FMNL1: variants seen among roughly 807,000 people sequenced by gnomAD.
FMNL1 encodes formin like 1.
Under a neutral mutation model 121.3 loss-of-function variants are expected in FMNL1, and 43 were observed. The observed-to-expected ratio is 0.35, with a 90% CI of 0.28 to 0.46. The LOEUF (loss-of-function observed/expected upper bound fraction) is 0.46. Among genes scored for constraint, FMNL1 ranks in the 20% least tolerant of loss-of-function variants. The pLI, the probability that FMNL1 is intolerant of heterozygous loss-of-function variation, is 1.00. For synonymous variants in FMNL1, 613 were observed against 613.5 expected (o/e 1.00, Z 0.01); for missense variants, 1,191 against 1,482.4 (o/e 0.80, Z 3.23).
rs1403772878 is a variant in FMNL1, at chr17:45,222,211, GC to G, written c.90del (p.Ala31ArgfsTer13). 1 of 1,253,654 alleles carries G rather than the reference GC, an allele frequency of 8.0e-7. No individual in the cohort carries two copies. The allele number at this position is 1,253,654 out of a possible 1,614,324, so 77.7% of individuals were successfully genotyped here. ...AGCCCGCGCCTCCCAAGCAGCCGATGCCCGCGGCCGGAGAGCTGGAGGAGAG... is the reference window on the plus strand; with the variant it reads ...AGCCCGCGCCTCCCAAGCAGCCGATGCCGCGGCCGGAGAGCTGGAGGAGAG... ...KQPAPPKQPM[P>X]AAGELEERFN... On this transcript the variant is annotated frameshift_variant, in exon 1 of 27. Coordinates refer to ENST00000331495, the MANE Select transcript of FMNL1 (RefSeq NM_005892.4). LOFTEE classifies it high-confidence loss of function.
Position 45,237,950 on chromosome 17 carries a change from G to T in FMNL1, c.894+311G>T. 1 of 313,404 alleles carries T rather than the reference G, an allele frequency of 3.2e-6. No individual in the cohort carries two copies. Among genetic ancestry groups the T allele is most frequent in the Admixed American group, 4.6e-5 (1 of 21,862 alleles). The allele number at this position is 313,404 out of a possible 1,614,324, so 19.4% of individuals were successfully genotyped here. ...TTGGTTCATACCTCCAGGAGTTGCG[G>T]ACTCTGGCTAACAGGCTTGCAAGAA... On this transcript the variant is annotated intron_variant, in intron 9 of 26. Transcript: ENST00000331495. The surrounding 1 kb of genome is among the most constrained non-coding windows in gnomAD (Gnocchi z 4.4).
At position 45,241,669 on chromosome 17, in the gene FMNL1, G is replaced by A. The variant is rs1567969058; in HGVS notation, c.1585+35G>A. On this transcript the variant is annotated intron_variant, in intron 14 of 26. Coordinates refer to ENST00000331495, the MANE Select transcript of FMNL1 (RefSeq NM_005892.4). The surrounding 1 kb of genome is among the most constrained non-coding windows in gnomAD (Gnocchi z 7.0). Reference sequence around the variant, plus strand: ...AGCTTCAGGCTGGCGGGGATGCGGGGCAGGGTCTGGAGGGGAGCCCAGGGG... The same window carrying A: ...AGCTTCAGGCTGGCGGGGATGCGGGACAGGGTCTGGAGGGGAGCCCAGGGG... 1.4e-6 allele frequency: 2 copies of A among 1,469,968 alleles called. No homozygotes were observed. The highest frequency in any genetic ancestry group is 2.5e-4 in the Middle Eastern group (1 of 3,990). 91.1% of individuals were successfully genotyped at this position (1,469,968 alleles called of 1,614,324 possible). A position where few individuals can be genotyped will look rare whatever the true frequency, so the allele number is the denominator to read the frequency against.
rs760126685 is a variant in FMNL1, at chr17:45,246,544, G to C, written c.3251G>C (p.Arg1084Pro). The part of the protein sequence containing the change: ...TVPFTARTGK[R>P]TSRLLCEASL... ...CCCTTCACGGCCCGCACCGGCAAGC[G>C]GACATCCCGGCTCCTCTGTGAGGCC... is the stretch of plus-strand genomic sequence containing the variant. The change falls in exon 26 of 27, where the codon CGG becomes CCG. Residue 1084 changes from arginine to proline, a missense_variant. Physicochemically the swap from Arg to Pro is moderately radical, Grantham distance 103. This residue lies in a region of FMNL1 where 367 missense variants were observed against 528.6 expected (regional missense o/e 0.69). Coordinates refer to ENST00000331495, the MANE Select transcript of FMNL1 (RefSeq NM_005892.4). The C allele has an allele frequency of 6.2e-7, 1 of 1,613,764 alleles. No homozygotes were observed. Among genetic ancestry groups the C allele is most frequent in the Non-Finnish European group, 8.5e-7 (1 of 1,179,706 alleles).
intron 7 of FMNL1, 173 bp downstream of exon 7, chr17:45,236,417 A>G (rs998047335): frequency 5.5e-6 from 3 of 548,500 alleles, no homozygotes; most frequent in East Asian, 3.2e-5. Context: ...TCTTGAGGGG[A>G]AGCCCATGTT....
At chr17:45,224,851 C>T (rs778088837) in intron 1 of FMNL1, among the ~76,000 whole-genome samples, 4 of 152,230 alleles carry the variant, frequency 2.6e-5, no homozygotes, top group African/African-American at 7.2e-5. Context: ...CCCAGCCCCA[C>T]GGGCCTGCTG....
At chr17:45,240,401 C>CA (rs2043658466) in intron 11 of FMNL1, 75 bp from the exon 12 acceptor site, 1 of 1,464,740 alleles carries the variant, frequency 6.8e-7, no homozygotes. Context: ...GCAGTGGTGG[C>CA]AGGGGGGTGG....
At position 45,237,186 on chromosome 17, in the gene FMNL1, C is replaced by T. The variant is rs1461172406; in HGVS notation, c.724-95C>T. On this transcript the variant is annotated intron_variant, in intron 7 of 26. Transcript: ENST00000331495. This position sits in a 1 kb window ranked among gnomAD's most constrained non-coding sequence, Gnocchi z 4.4. ...AGTTGCGGTTGGATACAAAGAACTTCCTAAACTCGAGGGCAGTTAAAGATC... is the reference window on the plus strand; with the variant it reads ...AGTTGCGGTTGGATACAAAGAACTTTCTAAACTCGAGGGCAGTTAAAGATC... The T allele has an allele frequency of 2.6e-6, 3 of 1,158,738 alleles. No individual in the cohort carries two copies. Among genetic ancestry groups the T allele is most frequent in the East Asian group, 2.4e-5 (1 of 41,450 alleles). 71.8% of individuals were successfully genotyped at this position (1,158,738 alleles called of 1,614,324 possible).
Position 45,232,485 on chromosome 17 carries a change from A to C in FMNL1, c.327+5A>C, listed in dbSNP as rs1437812892. 1.9e-6 allele frequency: 3 copies of C among 1,613,258 alleles called. No individual in the cohort carries two copies. The highest frequency in any genetic ancestry group is 1.7e-5 in the Admixed American group (1 of 59,992). Reference sequence around the variant, plus strand: ...GATTGGATGTCCAACCTGGGGGTACATGTCTCCCCTCTTTACTCTGTCCCT... The same window carrying C: ...GATTGGATGTCCAACCTGGGGGTACCTGTCTCCCCTCTTTACTCTGTCCCT... On this transcript the variant is annotated splice_donor_5th_base_variant and intron_variant, in intron 3 of 26. Coordinates refer to ENST00000331495, the MANE Select transcript of FMNL1 (RefSeq NM_005892.4).
chr17:45,241,682 G>A lies in FMNL1; in HGVS notation c.1585+48G>A, dbSNP rs1333002029. On this transcript the variant is annotated intron_variant, in intron 14 of 26. Transcript: ENST00000331495. This position sits in a 1 kb window ranked among gnomAD's most constrained non-coding sequence, Gnocchi z 7.0. ...CGGGGATGCGGGGCAGGGTCTGGAG[G>A]GGAGCCCAGGGGCATCTGTGGCGGG... 2 of 1,453,474 alleles carry A rather than the reference G, an allele frequency of 1.4e-6. No homozygotes were observed. Among genetic ancestry groups the A allele is most frequent in the Non-Finnish European group, 1.8e-6 (2 of 1,108,060 alleles). The allele number at this position is 1,453,474 out of a possible 1,614,324, so 90.0% of individuals were successfully genotyped here.
chr17:45,239,276 A>G (rs1017759526), intron 11 of FMNL1: 4 of 573,944 alleles, frequency 7.0e-6, no homozygotes, highest in Non-Finnish European at 9.4e-6. Flanking sequence ...GATAATCTTG[A>G]CTCTAAATGC....
In FMNL1 at chr17:45,237,739, T is replaced by C; in HGVS notation, c.894+100T>C. The C allele has an allele frequency of 3.0e-6, 4 of 1,329,248 alleles. No individual in the cohort carries two copies. In the South Asian group the frequency reaches 3.7e-5, roughly 12 times the overall value. The allele number at this position is 1,329,248 out of a possible 1,614,324, so 82.3% of individuals were successfully genotyped here. On this transcript the variant is annotated intron_variant, in intron 9 of 26. Coordinates refer to ENST00000331495, the MANE Select transcript of FMNL1 (RefSeq NM_005892.4). The surrounding 1 kb of genome is among the most constrained non-coding windows in gnomAD (Gnocchi z 4.4). Reference sequence around the variant, plus strand: ...CCTTTGCTGGAGGCAGCTGGGGACATTGGGTGGGCATTTGGGGAACGCCCA... The same window carrying C: ...CCTTTGCTGGAGGCAGCTGGGGACACTGGGTGGGCATTTGGGGAACGCCCA...
intron 1 of FMNL1, among the ~76,000 whole-genome samples, chr17:45,224,337 G>C (rs1310676521): frequency 6.6e-6 from 1 of 152,140 alleles, no homozygotes; most frequent in Admixed American, 6.5e-5. Context: ...TCAACCCTCA[G>C]GTCTGGCAGT....
chr17:45,241,771 G>C lies in FMNL1; in HGVS notation c.1586-76G>C. On this transcript the variant is annotated intron_variant, in intron 14 of 26. Transcript: ENST00000331495. The surrounding 1 kb of genome is among the most constrained non-coding windows in gnomAD (Gnocchi z 7.0). ...TCAGGTAGGAGCGCATGCGTAGAGC[G>C]GAGAGGCGGAGAGGGGCCCACCCAA... is the stretch of plus-strand genomic sequence containing the variant. The C allele has an allele frequency of 1.4e-6, 2 of 1,403,816 alleles. No individual in the cohort carries two copies. Among genetic ancestry groups the C allele is most frequent in the East Asian group, 5.4e-5 (2 of 36,886 alleles). The allele number at this position is 1,403,816 out of a possible 1,614,324, so 87.0% of individuals were successfully genotyped here.
intron 1 of FMNL1, among the ~76,000 whole-genome samples, chr17:45,225,688 G>A (rs1175287886): frequency 1.3e-5 from 2 of 152,258 alleles, no homozygotes; most frequent in South Asian, 2.1e-4. Context: ...TGGCTTGGGG[G>A]GCCTTTGAGG....
At position 45,241,093 on chromosome 17, in the gene FMNL1, C is replaced by T. The variant is rs2043678695; in HGVS notation, c.1231-36C>T. On this transcript the variant is annotated intron_variant, in intron 12 of 26. Transcript: ENST00000331495. This position sits in a 1 kb window ranked among gnomAD's most constrained non-coding sequence, Gnocchi z 7.0. ...CCTCACCGGCGGTGCCAGTGCCGGG[C>T]TGCGGGTCGGGGCTCACCATGTGCT... 1 of 1,611,584 alleles carries T rather than the reference C, an allele frequency of 6.2e-7. No homozygotes were observed. The highest frequency in any genetic ancestry group is 1.1e-5 in the South Asian group (1 of 90,992).
chr17:45,233,627 C>T lies in FMNL1; in HGVS notation c.402-21C>T, dbSNP rs2143366267. On this transcript the variant is annotated intron_variant, in intron 4 of 26. Coordinates refer to ENST00000331495, the MANE Select transcript of FMNL1 (RefSeq NM_005892.4). This position sits in a 1 kb window ranked among gnomAD's most constrained non-coding sequence, Gnocchi z 4.1. The stretch of plus-strand genomic sequence containing the variant: ...CAGGACCTCCTTTCTGGCTGGAGCT[C>T]AGGGAGCCCTGTGCCCACAGGTGGG... The T allele has an allele frequency of 6.2e-7, 1 of 1,613,762 alleles. No homozygotes were observed.
At chr17:45,222,292 GGCGGCAGGGGC>G (rs925258991) in intron 1 of FMNL1, 39 bp downstream of exon 1, 21 of 1,159,410 alleles carry the variant, frequency 1.8e-5, no homozygotes, top group African/African-American at 1.6e-4. Context: ...GCGGGCGGGG[GGCGGCAGGGGC>G]GCGGCAGGGG....
chr17:45,238,254 C>G (rs1775750934), intron 9 of FMNL1: 2 of 314,286 alleles, frequency 6.4e-6, no homozygotes, highest in Non-Finnish European at 1.2e-5. Flanking sequence ...CCTCACTGAG[C>G]AAGTGAGATT....
intron 3 of FMNL1, chr17:45,232,961 T>TTG (rs1176957686): frequency 1.7e-6 from 1 of 583,568 alleles, no homozygotes; most frequent in Non-Finnish European, 3.2e-6. Context: ...CTCTGCCTCT[T>TTG]TGTGTGTGTG....
Sources: allele counts gnomAD v4.1 joint callset (sites outside exome capture counted in the v4.1 genomes callset), GRCh38; gene constraint gnomAD v4.1.1; regional missense constraint gnomAD v4.1.1; non-coding constraint Gnocchi (gnomAD v3.1); transcripts MANE v1.5; gene names NCBI Gene and HGNC (gene_info 2026-07-23, HGNC 2026-07-21).